Variants in BTBD9 observed in about 807,000 individuals in gnomAD.
The protein encoded by BTBD9 is BTB/POZ domain-containing protein 9.
In BTBD9, 49 loss-of-function variants were observed where a neutral mutation model predicts 64.3. The observed-to-expected ratio is 0.76, with a 90% CI of 0.61 to 0.97. The LOEUF (loss-of-function observed/expected upper bound fraction) is 0.97, where lower values mean the gene tolerates loss of function less well. BTBD9 is among the 50% of genes least tolerant of loss of function. The probability of loss-of-function intolerance (pLI) is 0.00; values close to 1 mark genes in which losing one functional copy is unlikely to be tolerated. For missense variants in BTBD9, 598 were observed against 762.1 expected, an observed-to-expected ratio of 0.78 and a Z score of 2.53; for synonymous variants, 260 against 274.7, an observed-to-expected ratio of 0.95 and a Z score of 0.53.
rs547887659 is a variant in BTBD9, at chr6:38,621,856, G to C, written c.-28+17944C>G. ...GCTGAGGCCAAAATTGCTGCCAGGC[G>C]GAACCTCCCAACAGAAATACCTATG... On this transcript the variant is annotated intron_variant, in intron 1 of 10. Transcript: ENST00000481247. Among the ~76,000 whole-genome samples, 20 of 152,260 alleles carry C rather than the reference G, an allele frequency of 1.3e-4. No individual in the cohort carries two copies. The South Asian group carries it at 4.1e-3, about 32-fold the overall frequency.
chr6:38,196,674 G>A (rs1484177647), intron 9 of BTBD9, among the ~76,000 whole-genome samples: 3 of 152,206 alleles, frequency 2.0e-5, no homozygotes, highest in Non-Finnish European at 4.4e-5. Context: ...CTTAAGAAGT[G>A]TGTAATCTCA....
intron 6 of BTBD9, among the ~76,000 whole-genome samples, chr6:38,459,238 C>T (rs541196938): frequency 2.5e-4 from 38 of 152,226 alleles, no homozygotes; most frequent in East Asian, 9.7e-4. Context: ...AGGCTGGTCT[C>T]GAACTCCTGA....
intron 6 of BTBD9, among the ~76,000 whole-genome samples, chr6:38,355,395 G>A (rs1178507214): frequency 6.6e-6 from 1 of 152,170 alleles, no homozygotes; most frequent in Non-Finnish European, 1.5e-5. Flanking sequence ...AGCAGGTTGG[G>A]AGGGGGAGTA....
intron 6 of BTBD9, among the ~76,000 whole-genome samples, chr6:38,530,056 G>A (rs754589131): frequency 6.6e-6 from 1 of 152,088 alleles, no homozygotes; most frequent in Non-Finnish European, 1.5e-5. Flanking sequence ...GCATTCCTGG[G>A]GAGAGGTCTA....
chr6:38,340,467 G>A (rs1764055656), intron 7 of BTBD9, among the ~76,000 whole-genome samples: 1 of 152,148 alleles, frequency 6.6e-6, no homozygotes, highest in African/African-American at 2.4e-5. Flanking sequence ...AAGATACAAT[G>A]ATTTGAATAT....
intron 6 of BTBD9, among the ~76,000 whole-genome samples, chr6:38,438,180 G>GAAGGAAGGAGGAAAGGAGGA (rs1768828019): frequency 7.4e-6 from 1 of 135,572 alleles, no homozygotes; most frequent in African/African-American, 2.8e-5. Flanking sequence ...AAAAAGGAAG[G>GAAGGAAGGAGGAAAGGAGGA]AAGGAAGGAG....
intron 6 of BTBD9, among the ~76,000 whole-genome samples, chr6:38,442,043 G>T (rs188080930): frequency 6.9e-4 from 105 of 152,252 alleles, no homozygotes; most frequent in Non-Finnish European, 1.1e-3. Flanking sequence ...CAAAACTGCG[G>T]CAAGAGAGAA....
intron 6 of BTBD9, among the ~76,000 whole-genome samples, chr6:38,389,199 T>C (rs1398640021): frequency 6.6e-6 from 1 of 152,200 alleles, no homozygotes; most frequent in Non-Finnish European, 1.5e-5. Context: ...TCTTTCTACT[T>C]ACCCTTGCTG....
At chr6:38,579,494 G>A (rs1311005891) in intron 5 of BTBD9, among the ~76,000 whole-genome samples, 3 of 152,178 alleles carry the variant, frequency 2.0e-5, no homozygotes, top group Admixed American at 2.0e-4. Context: ...GCCACAGTGG[G>A]TGAAAGCATC....
At chr6:38,309,655 C>T (rs931571407) in intron 7 of BTBD9, among the ~76,000 whole-genome samples, 9 of 151,910 alleles carry the variant, frequency 5.9e-5, no homozygotes, top group African/African-American at 1.9e-4. Context: ...TCATGATCTG[C>T]CCTCCTTGGC....
At chr6:38,451,513 A>AT (rs1163811612) in intron 6 of BTBD9, among the ~76,000 whole-genome samples, 2 of 152,172 alleles carry the variant, frequency 1.3e-5, no homozygotes, top group African/African-American at 4.8e-5. Context: ...GTTACCTCTT[A>AT]TAACTCCCAC....
intron 6 of BTBD9, among the ~76,000 whole-genome samples, chr6:38,480,741 C>T (rs574498016): frequency 6.6e-6 from 1 of 152,282 alleles, no homozygotes; most frequent in South Asian, 2.1e-4. Context: ...TCTTATTCCC[C>T]ACCTGACCTC....
At chr6:38,213,192 T>C (rs1002769295) in intron 9 of BTBD9, among the ~76,000 whole-genome samples, 3 of 152,118 alleles carry the variant, frequency 2.0e-5, no homozygotes, top group South Asian at 4.1e-4. Context: ...ACCTAAAAGT[T>C]ACACTAAACC....
At chr6:38,459,997 CT>C (rs1770000201) in intron 6 of BTBD9, among the ~76,000 whole-genome samples, 1 of 152,146 alleles carries the variant, frequency 6.6e-6, no homozygotes, top group African/African-American at 2.4e-5. Context: ...AGAAGATCAT[CT>C]CAAGCTAGCT....
At chr6:38,488,532 C>A (rs969732892) in intron 6 of BTBD9, among the ~76,000 whole-genome samples, 2 of 152,154 alleles carry the variant, frequency 1.3e-5, no homozygotes, top group Admixed American at 6.5e-5. Context: ...ATAGCACAGT[C>A]CTGTCTCCGG....
chr6:38,535,853 A>C (rs1392792958), intron 6 of BTBD9, among the ~76,000 whole-genome samples: 3 of 152,136 alleles, frequency 2.0e-5, no homozygotes, highest in Non-Finnish European at 4.4e-5. Flanking sequence ...GTCAAAATGG[A>C]TTAAAGACTT....
At chr6:38,391,702 T>C (rs1321250105) in intron 6 of BTBD9, among the ~76,000 whole-genome samples, 1 of 151,910 alleles carries the variant, frequency 6.6e-6, no homozygotes, top group Non-Finnish European at 1.5e-5. Flanking sequence ...GCCTTGGCAA[T>C]GCCAAAACAA....
At chr6:38,296,510 T>C (rs1279932912) in intron 7 of BTBD9, among the ~76,000 whole-genome samples, 3 of 152,120 alleles carry the variant, frequency 2.0e-5, no homozygotes, top group Admixed American at 6.5e-5. Context: ...ATTTTTTTCC[T>C]AACTACTTGA....
rs561708879 is a variant in BTBD9, at chr6:38,375,484, G to A, written c.1155-30391C>T. Among the ~76,000 whole-genome samples, 17 of 152,274 alleles carry A rather than the reference G, an allele frequency of 1.1e-4. 1 individual carries two copies. The South Asian group carries it at 3.3e-3, about 30-fold the overall frequency. ...GTCATTGCATCCATTAACTACAGAG[G>A]ATGAAAAGTCAGCAAGTATTAAAGT... On this transcript the variant is annotated intron_variant, in intron 6 of 10. Coordinates refer to ENST00000481247, the MANE Select transcript of BTBD9 (RefSeq NM_001099272.2).
Sources: allele counts gnomAD v4.1 joint callset (sites outside exome capture counted in the v4.1 genomes callset), GRCh38; gene constraint gnomAD v4.1.1; transcripts MANE v1.5; gene names NCBI Gene and HGNC (gene_info 2026-07-23, HGNC 2026-07-21).